AKR1D1: variants seen among roughly 807,000 people sequenced by gnomAD.
AKR1D1 encodes aldo-keto reductase family 1 member D1, also known as delta(4)-3-ketosteroid 5-beta-reductase.
AKR1D1 carries 32 observed loss-of-function variants against 42.6 expected under a neutral mutation model. The observed-to-expected ratio is 0.75, with a 90% CI of 0.57 to 1.01. The LOEUF (loss-of-function observed/expected upper bound fraction) is 1.01, where lower values mean the gene tolerates loss of function less well. Among genes scored for constraint, AKR1D1 ranks in the 50% least tolerant of loss-of-function variants. The pLI is 0.00. For synonymous variants in AKR1D1, 123 were observed against 135.5 expected, an observed-to-expected ratio of 0.91 and a Z score of 0.64; for missense variants, 364 against 402.2, an observed-to-expected ratio of 0.91 and a Z score of 0.81.
intron 7 of AKR1D1, among the ~76,000 whole-genome samples, chr7:138,107,813 C>T (rs1794463510): frequency 6.6e-6 from 1 of 152,058 alleles, no homozygotes; most frequent in African/African-American, 2.4e-5. Context: ...CTTATATTTT[C>T]TCTTTCCTTA....
intron 4 of AKR1D1, among the ~76,000 whole-genome samples, chr7:138,100,550 T>G (rs1794279817): frequency 6.6e-6 from 1 of 151,994 alleles, no homozygotes; most frequent in African/African-American, 2.4e-5. Context: ...CAATGAGTAT[T>G]ACATGGGATA....
rs192371974 is a variant in AKR1D1 at position 138,113,564 on chromosome 7, C to G, written c.856-126C>G. On this transcript the variant is annotated intron_variant, in intron 7 of 8. Transcript: ENST00000242375. ...CACCTCAGTGGGTAGCCCCCCAACA[C>G]CAGCCTGACTCCTCTTAGACATTTG... 256 of 809,662 alleles carry G rather than the reference C, an allele frequency of 3.2e-4. 1 individual carries two copies. In the Middle Eastern group the frequency reaches 4.7e-3, roughly 15 times the overall value. The allele number at this position is 809,662 out of a possible 1,614,324, so 50.2% of individuals were successfully genotyped here. A position where few individuals can be genotyped will look rare whatever the true frequency, so the allele number is the denominator to read the frequency against.
rs748221887 is a variant in AKR1D1, at chr7:138,113,785, G to A, written c.938+13G>A. 1.2e-6 allele frequency: 2 copies of A among 1,610,246 alleles called. No individual in the cohort carries two copies. Among genetic ancestry groups the A allele is most frequent in the Admixed American group, 1.7e-5 (1 of 60,002 alleles). On this transcript the variant is annotated intron_variant, in intron 8 of 8. Transcript: ENST00000242375. The stretch of plus-strand genomic sequence containing the variant: ...TAGAATTGCTCATGTAAGTTCCGGG[G>A]ATCATTAATGGGTATTGACCAGTGG...
At chr7:138,106,872 G>A (rs1367143708) in intron 6 of AKR1D1, among the ~76,000 whole-genome samples, 155 bp downstream of exon 6, 2 of 152,188 alleles carry the variant, frequency 1.3e-5, no homozygotes, top group Non-Finnish European at 2.9e-5. Flanking sequence ...TTTCCTGACT[G>A]AGCTGTTGTA....
chr7:138,081,267 G>C (rs1325229507), intron 1 of AKR1D1, among the ~76,000 whole-genome samples: 1 of 152,088 alleles, frequency 6.6e-6, no homozygotes, highest in Non-Finnish European at 1.5e-5. Context: ...TGTTTCCTGA[G>C]GTGTTAAGTC....
chr7:138,107,656 T>A, intron 7 of AKR1D1, 76 bp downstream of exon 7: 1 of 1,503,674 alleles, frequency 6.7e-7, no homozygotes, highest in Non-Finnish European at 9.2e-7. Context: ...GTGTTCAGCT[T>A]AATAGGAAAC....
chr7:138,113,917 C>A, intron 8 of AKR1D1, 145 bp downstream of exon 8: 1 of 742,342 alleles, frequency 1.3e-6, no homozygotes, highest in Non-Finnish European at 2.4e-6. Flanking sequence ...GTTAACATGC[C>A]TGAGGGAAAT....
chr7:138,092,040 C>T (rs1451475547), intron 3 of AKR1D1, among the ~76,000 whole-genome samples, 156 bp downstream of exon 3: 1 of 145,230 alleles, frequency 6.9e-6, no homozygotes, highest in Admixed American at 6.8e-5. Context: ...GCACCATGAG[C>T]CAATAGCTAT....
intron 8 of AKR1D1, among the ~76,000 whole-genome samples, chr7:138,115,258 C>T (rs1264705156): frequency 3.9e-5 from 6 of 152,082 alleles, no homozygotes; most frequent in African/African-American, 9.7e-5. Flanking sequence ...GCCTGGACAA[C>T]ATAGCAAGAC....
intron 1 of AKR1D1, among the ~76,000 whole-genome samples, chr7:138,082,002 G>T (rs975634716): frequency 1.2e-4 from 18 of 152,236 alleles, no homozygotes; most frequent in African/African-American, 4.3e-4. Flanking sequence ...CTAATTATTG[G>T]TCTGGTGACT....
chr7:138,088,580 C>G, intron 1 of AKR1D1, 21 bp from the exon 2 acceptor site: 2 of 1,614,008 alleles, frequency 1.2e-6, no homozygotes, highest in Non-Finnish European at 1.7e-6. Flanking sequence ...TTCCCCAAAC[C>G]CAACCTCTTT....
intron 5 of AKR1D1, 118 bp from the exon 6 acceptor site, chr7:138,106,490 G>C: frequency 1.3e-6 from 1 of 764,962 alleles, no homozygotes; most frequent in Non-Finnish European, 2.3e-6. Flanking sequence ...AATGTATATA[G>C]TATGAAGGAG....
intron 2 of AKR1D1, among the ~76,000 whole-genome samples, chr7:138,091,098 G>A (rs1007638036): frequency 6.6e-6 from 1 of 152,184 alleles, no homozygotes; most frequent in Admixed American, 6.5e-5. Flanking sequence ...GTTATACAAT[G>A]AGGAAAAATG....
At chr7:138,090,692 A>G (rs145056807) in intron 2 of AKR1D1, among the ~76,000 whole-genome samples, 2 of 152,064 alleles carry the variant, frequency 1.3e-5, no homozygotes, top group Non-Finnish European at 2.9e-5. Flanking sequence ...TATCCCCCCA[A>G]AAAAATCTGT....
rs556847067 is a variant in AKR1D1 at position 138,114,407 on chromosome 7, G to A, written c.938+635G>A. 6.6e-5 allele frequency among the ~76,000 whole-genome samples: 10 copies of A among 152,078 alleles called. 1 individual carries two copies. In the South Asian group the frequency reaches 8.3e-4, roughly 13 times the overall value. ...GTTTTGGCCAGGCGTGGTGGCTCAC[G>A]CCAATACTTTGGGAGGCTAAGGTGG... is the stretch of plus-strand genomic sequence containing the variant. On this transcript the variant is annotated intron_variant, in intron 8 of 8. Coordinates refer to ENST00000242375, the MANE Select transcript of AKR1D1 (RefSeq NM_005989.4).
intron 5 of AKR1D1, among the ~76,000 whole-genome samples, 157 bp downstream of exon 5, chr7:138,105,586 T>A (rs1009792674): frequency 6.6e-6 from 1 of 152,134 alleles, no homozygotes; most frequent in Non-Finnish European, 1.5e-5. Context: ...TCTATTGGTG[T>A]CACTTTAAAA....
chr7:138,097,325 C>A (rs546090912), intron 3 of AKR1D1, among the ~76,000 whole-genome samples: 1 of 152,228 alleles, frequency 6.6e-6, no homozygotes, highest in Admixed American at 6.5e-5. Flanking sequence ...TGATTTATTT[C>A]GAAGTACTGT....
chr7:138,091,025 C>G (rs1052946303), intron 2 of AKR1D1, among the ~76,000 whole-genome samples: 7 of 152,190 alleles, frequency 4.6e-5, no homozygotes, highest in African/African-American at 1.7e-4. Context: ...CTCATTTTAT[C>G]AGAGTGGCAT....
intron 4 of AKR1D1, among the ~76,000 whole-genome samples, chr7:138,102,159 C>T (rs1179287315): frequency 2.6e-5 from 4 of 151,708 alleles, no homozygotes; most frequent in East Asian, 1.9e-4. Flanking sequence ...TGCAGTGAGC[C>T]GAGATCCCAC....
Sources: allele counts gnomAD v4.1 joint callset (sites outside exome capture counted in the v4.1 genomes callset), GRCh38; gene constraint gnomAD v4.1.1; transcripts MANE v1.5; gene names NCBI Gene and HGNC (gene_info 2026-07-23, HGNC 2026-07-21).